NCOR2: variants seen among roughly 807,000 people sequenced by gnomAD.
The protein encoded by NCOR2 is nuclear receptor corepressor 2.
Under a neutral mutation model 262.9 loss-of-function variants are expected in NCOR2, and 81 were observed. The ratio of observed to expected loss-of-function variants is 0.31; its 90% confidence interval spans 0.26 to 0.37. The LOEUF (loss-of-function observed/expected upper bound fraction) is 0.37. Ranked by LOEUF, NCOR2 falls within the 10% of genes least tolerant of loss-of-function variation. NCOR2 has a pLI of 1.00. For missense variants in NCOR2, 3,385 were observed against 3,621.4 expected, an observed-to-expected ratio of 0.93 and a Z score of 1.68; for synonymous variants, 1,659 against 1,559.3, an observed-to-expected ratio of 1.06 and a Z score of -1.51.
At chr12:124,327,722 A>G in intron 44 of NCOR2, 89 bp from the exon 47 acceptor site, 1 of 901,214 alleles carries the variant, frequency 1.1e-6, no homozygotes, top group East Asian at 2.6e-5. Flanking sequence ...AGGGAGAGAG[A>G]GAGGGAAGGA....
intron 5 of NCOR2, among the ~76,000 whole-genome samples, chr12:124,458,344 TCACTCCC>T (rs1277846172): frequency 6.6e-6 from 1 of 152,048 alleles, no homozygotes; most frequent in Non-Finnish European, 1.5e-5. Context: ...CAGGCCAGCA[TCACTCCC>T]CCTCCCCAGC....
chr12:124,473,702 C>T (rs543265362), intron 3 of NCOR2, among the ~76,000 whole-genome samples: 34 of 152,288 alleles, frequency 2.2e-4, no homozygotes, highest in African/African-American at 7.2e-4. Context: ...CTTTGCCCTC[C>T]GCCATGATTG....
At chr12:124,411,055 A>C (rs2042554254) in intron 13 of NCOR2, among the ~76,000 whole-genome samples, 1 of 126,016 alleles carries the variant, frequency 7.9e-6, no homozygotes. Flanking sequence ...GGGAGGAGGA[A>C]GAGGAGAGAT....
intron 1 of NCOR2, among the ~76,000 whole-genome samples, chr12:124,511,192 A>C (rs2049374796): frequency 6.6e-6 from 1 of 152,200 alleles, no homozygotes; most frequent in Admixed American, 6.5e-5. Context: ...GGTACCACCT[A>C]CACCAGGCCA....
chr12:124,550,799 C>G (rs2051691556), intron 1 of NCOR2, among the ~76,000 whole-genome samples: 1 of 152,236 alleles, frequency 6.6e-6, no homozygotes, highest in Admixed American at 6.5e-5. Context: ...CCAGCAAAGC[C>G]CCCGTGGAGC....
In NCOR2 at chr12:124,523,605, A is replaced by G. The variant is rs1421046205; in HGVS notation, c.-118+11960T>C. ...CTAAAAGAACTGTCTCGGATCACAC[A>G]TAACACTAACACTAACCATAGCTGA... On this transcript the variant is annotated intron_variant, in intron 1 of 46. Coordinates refer to the NCOR2 transcript ENST00000404621. This position sits in a 1 kb window ranked among gnomAD's most constrained non-coding sequence, Gnocchi z 4.0. Among the ~76,000 whole-genome samples, 9 of 151,654 alleles carry G rather than the reference A, an allele frequency of 5.9e-5. No homozygotes were observed. Among genetic ancestry groups the G allele is most frequent in the African/African-American group, 2.2e-4 (9 of 41,240 alleles).
chr12:124,427,753 A>ATGGCAGGACCCCCGGCACGGCCAC (rs1378523727), intron 10 of NCOR2, among the ~76,000 whole-genome samples: 1 of 152,116 alleles, frequency 6.6e-6, no homozygotes, highest in Non-Finnish European at 1.5e-5. Context: ...GGATGTAATA[A>ATGGCAGGACCCCCGGCACGGCCAC]TGGCAGGACC....
exon 14 of NCOR2, chr12:124,402,435 C>T (rs1383534712): frequency 4.3e-6 from 7 of 1,614,026 alleles, no homozygotes; most frequent in Non-Finnish European, 4.2e-6. Flanking sequence ...TTCTCCACCT[C>T]CGGCTTCTCC....
chr12:124,472,869 G>A, intron 4 of NCOR2, 83 bp downstream of exon 6: 1 of 1,572,718 alleles, frequency 6.4e-7, no homozygotes, highest in Non-Finnish European at 8.7e-7. Context: ...GGAAGGGCTT[G>A]GCACATGTCT....
At chr12:124,427,906 G>T (rs1448115170) in intron 10 of NCOR2, among the ~76,000 whole-genome samples, 1 of 152,090 alleles carries the variant, frequency 6.6e-6, no homozygotes, top group Non-Finnish European at 1.5e-5. Flanking sequence ...CCCCTCCCTT[G>T]CACACTCCCG....
intron 3 of NCOR2, among the ~76,000 whole-genome samples, chr12:124,479,506 C>G (rs1477176676): frequency 6.6e-6 from 1 of 151,710 alleles, no homozygotes; most frequent in Admixed American, 6.6e-5. Flanking sequence ...TGCGCGCATA[C>G]ACACGCACAT....
chr12:124,560,022 G>A (rs1376665183), intron 1 of NCOR2, among the ~76,000 whole-genome samples: 1 of 152,160 alleles, frequency 6.6e-6, no homozygotes, highest in African/African-American at 2.4e-5. Context: ...TTATAACCAT[G>A]AGCATCAGCG....
At position 124,471,558 on chromosome 12, in the gene NCOR2, C is replaced by T. The variant is rs79805196; in HGVS notation, c.591+1394G>A. Among the ~76,000 whole-genome samples, 7 of 152,336 alleles carry T rather than the reference C, an allele frequency of 4.6e-5. No individual in the cohort carries two copies. The East Asian group carries it at 1.3e-3, about 29-fold the overall frequency. ...TGATGTCACCAGCAGGGTGATGAGA[C>T]AGATCAGTGATCAGCAAAATTTCTT... On this transcript the variant is annotated intron_variant, in intron 4 of 46. Coordinates refer to ENST00000405201, the Ensembl canonical transcript of NCOR2.
At chr12:124,462,720 A>G (rs2046232596) in intron 5 of NCOR2, among the ~76,000 whole-genome samples, 1 of 152,194 alleles carries the variant, frequency 6.6e-6, no homozygotes, top group African/African-American at 2.4e-5. Context: ...TGGGCCCTAC[A>G]AACAAGCATG....
At chr12:124,518,744 G>A (rs926725581) in intron 1 of NCOR2, among the ~76,000 whole-genome samples, 8 of 152,224 alleles carry the variant, frequency 5.3e-5, no homozygotes, top group Non-Finnish European at 7.3e-5. Flanking sequence ...TTTATAGCTC[G>A]GCTCTTCGCT....
At chr12:124,421,986 C>T (rs897536991) in intron 12 of NCOR2, among the ~76,000 whole-genome samples, 5 of 152,228 alleles carry the variant, frequency 3.3e-5, no homozygotes, top group African/African-American at 9.6e-5. Flanking sequence ...TGGGGACTTG[C>T]AGGCCACACG....
intron 13 of NCOR2, among the ~76,000 whole-genome samples, chr12:124,405,140 G>A (rs1301798293): frequency 3.9e-5 from 6 of 151,952 alleles, no homozygotes; most frequent in East Asian, 1.9e-4. Context: ...TACAAGCCCC[G>A]CCAGGGCCTG....
chr12:124,390,277 C>T (rs4622357), intron 16 of NCOR2, among the ~76,000 whole-genome samples: 15,768 of 152,224 alleles, frequency 0.1, 996 homozygotes, highest in East Asian at 0.22. Flanking sequence ...GGCCCTAGCA[C>T]GGCCCAGGTG....
At chr12:124,428,726 T>C (rs1224596373) in intron 10 of NCOR2, among the ~76,000 whole-genome samples, 1 of 152,220 alleles carries the variant, frequency 6.6e-6, no homozygotes, top group Non-Finnish European at 1.5e-5. Flanking sequence ...GAATTGCTAA[T>C]TTTATCCCAT....
Sources: allele counts gnomAD v4.1 joint callset (sites outside exome capture counted in the v4.1 genomes callset), GRCh38; gene constraint gnomAD v4.1.1; non-coding constraint Gnocchi (gnomAD v3.1); transcripts MANE v1.5; gene names NCBI Gene and HGNC (gene_info 2026-07-23, HGNC 2026-07-21).